ONECUT3: variants seen among roughly 807,000 people sequenced by gnomAD.
ONECUT3 encodes the protein one cut domain family member 3.
ONECUT3 carries 11 observed loss-of-function variants against 16.8 expected under a neutral mutation model. The ratio of observed to expected loss-of-function variants is 0.66; its 90% CI spans 0.41 to 1.09. ONECUT3 has a LOEUF of 1.09. ONECUT3 is among the 50% of genes least tolerant of loss of function. The pLI is 0.00. For missense variants in ONECUT3, 637 were observed against 629.9 expected, an observed-to-expected ratio of 1.01 and a Z score of -0.12; for synonymous variants, 344 against 310.7, an observed-to-expected ratio of 1.11 and a Z score of -1.13.
At chr19:1,761,045 CTTTTTTTT>C (rs547570248) in intron 1 of ONECUT3, among the ~76,000 whole-genome samples, 1 of 84,042 alleles carries the variant, frequency 1.2e-5, no homozygotes, top group Non-Finnish European at 2.2e-5. Flanking sequence ...CATTCCTGCT[CTTTTTTTT>C]TTTTTTTTTT....
rs550668635 is a variant in ONECUT3, at chr19:1,762,855, G to C, written c.1192+8001G>C. ...GGGTGCGCTCAGCTCCAGCGCAGTG[G>C]GAGGACAAGACACGTTCCTCCTCCC... On this transcript the variant is annotated intron_variant, in intron 1 of 1. Coordinates refer to ENST00000382349, the MANE Select transcript of ONECUT3 (RefSeq NM_001080488.2). The surrounding 1 kb of genome is among the most constrained non-coding windows in gnomAD (Gnocchi z 4.4). Among the ~76,000 whole-genome samples the C allele has an allele frequency of 6.6e-6, 1 of 152,248 alleles. No homozygotes were observed. Among genetic ancestry groups the C allele is most frequent in the African/African-American group, 2.4e-5 (1 of 41,550 alleles).
chr19:1,754,347 G>C lies in ONECUT3; in HGVS notation c.685G>C (p.Gly229Arg), dbSNP rs1440484619. 3 of 1,077,762 alleles carry C rather than the reference G, an allele frequency of 2.8e-6. No individual in the cohort carries two copies. Among genetic ancestry groups the C allele is most frequent in the Non-Finnish European group, 1.1e-6 (1 of 888,654 alleles). The allele number at this position is 1,077,762 out of a possible 1,614,324, so 66.8% of individuals were successfully genotyped here. ...PPPPPPLAAYGPPGHLAGDKL... is the reference protein window; with the variant it reads ...PPPPPPLAAYRPPGHLAGDKL... ...ACCACCCCCGCCGCTGGCCGCCTAC[G>C]GCCCGCCAGGCCACCTGGCTGGGGA... Residue 229 changes from glycine to arginine, a missense_variant, in exon 1 of 2, where the codon GGC (glycine) becomes CGC (arginine). By Grantham distance (125) the Gly-to-Arg change is moderately radical. This residue lies in a region of ONECUT3 where 419 missense variants were observed against 377.9 expected (regional missense o/e 1.11). Transcript: ENST00000382349. The surrounding 1 kb of genome is among the most constrained non-coding windows in gnomAD (Gnocchi z 7.4).
intron 1 of ONECUT3, among the ~76,000 whole-genome samples, chr19:1,757,975 G>A (rs1219030048): frequency 1.3e-5 from 2 of 152,210 alleles, no homozygotes; most frequent in Non-Finnish European, 2.9e-5. Context: ...GCCTCCCCAG[G>A]CCTCCTCCAA....
In ONECUT3 at chr19:1,769,097, G is replaced by T. The variant is rs368488789; in HGVS notation, c.1193-6056G>T. Among the ~76,000 whole-genome samples the T allele has an allele frequency of 3.2e-4, 48 of 150,258 alleles. No homozygotes were observed. In the East Asian group the frequency reaches 9.0e-3, roughly 28 times the overall value. On this transcript the variant is annotated intron_variant, in intron 1 of 1. Transcript: ENST00000382349. The stretch of plus-strand genomic sequence containing the variant: ...GGTGGAAGTGGAGGTGGAGGTGATG[G>T]AGGAGGAGATGCTGGAGGTGGAGGT...
chr19:1,762,650 C>CG lies in ONECUT3; in HGVS notation c.1192+7799dup, dbSNP rs2067952449. Reference sequence around the variant, plus strand: ...CCCCGGCGCCAGGAGACCCGGGACCCGGGACCACGCGCCCGCGGCCTTGGA... The same window carrying CG: ...CCCCGGCGCCAGGAGACCCGGGACCCGGGGACCACGCGCCCGCGGCCTTGGA... On this transcript the variant is annotated intron_variant, in intron 1 of 1. Coordinates refer to ENST00000382349, the MANE Select transcript of ONECUT3 (RefSeq NM_001080488.2). This position sits in a 1 kb window ranked among gnomAD's most constrained non-coding sequence, Gnocchi z 4.4. Among the ~76,000 whole-genome samples, 1 of 152,238 alleles carries CG rather than the reference C, an allele frequency of 6.6e-6. No homozygotes were observed. Among genetic ancestry groups the CG allele is most frequent in the Admixed American group, 6.5e-5 (1 of 15,294 alleles).
At chr19:1,769,961 C>T (rs557352722) in intron 1 of ONECUT3, among the ~76,000 whole-genome samples, 1 of 152,298 alleles carries the variant, frequency 6.6e-6, no homozygotes, top group African/African-American at 2.4e-5. Flanking sequence ...GGACGATATG[C>T]ATCCTACCTC....
At position 1,776,508 on chromosome 19, in the gene ONECUT3, T is replaced by C. The variant is rs2068110289; in HGVS notation, c.*1063T>C. ...GGGGCAGCGGGGTTGAACGTGGTGT[T>C]GGTTTCCACTCTCGCCAAAGAGAGA... On this transcript the variant is annotated 3_prime_UTR_variant, in exon 2 of 2. Coordinates refer to ENST00000382349, the MANE Select transcript of ONECUT3 (RefSeq NM_001080488.2). This position sits in a 1 kb window ranked among gnomAD's most constrained non-coding sequence, Gnocchi z 4.9. 2 of 152,312 alleles carry C rather than the reference T, an allele frequency of 1.3e-5. No homozygotes were observed. Among genetic ancestry groups the C allele is most frequent in the East Asian group, 3.9e-4 (2 of 5,168 alleles). The allele number at this position is 152,312 out of a possible 1,614,324, so 9.4% of individuals were successfully genotyped here. A position where few individuals can be genotyped will look rare whatever the true frequency, so the allele number is the denominator to read the frequency against.
At chr19:1,767,974 C>A (rs562505778) in intron 1 of ONECUT3, among the ~76,000 whole-genome samples, 2 of 152,036 alleles carry the variant, frequency 1.3e-5, no homozygotes, top group Admixed American at 1.3e-4. Context: ...GACTGATAAC[C>A]GTTGGGGAGA....
In ONECUT3 at chr19:1,754,617, G is replaced by T; in HGVS notation, c.955G>T (p.Glu319Ter). 1 of 1,439,550 alleles carries T rather than the reference G, an allele frequency of 6.9e-7. No homozygotes were observed. Among genetic ancestry groups the T allele is most frequent in the East Asian group, 3.1e-5 (1 of 32,546 alleles). 89.2% of individuals were successfully genotyped at this position (1,439,550 alleles called of 1,614,324 possible). A position where few individuals can be genotyped will look rare whatever the true frequency, so the allele number is the denominator to read the frequency against. The change falls in exon 1 of 2, where the codon GAG becomes TAG. Residue 319 changes from glutamate to a stop codon, truncating the protein, a stop_gained. Coordinates refer to ENST00000382349, the MANE Select transcript of ONECUT3 (RefSeq NM_001080488.2). LOFTEE classifies it high-confidence loss of function. This position sits in a 1 kb window ranked among gnomAD's most constrained non-coding sequence, Gnocchi z 7.4. ...CGGCCCCAGCGCGGGCGCAGCGGCC[G>T]AGGAGATCAACACCAAGGAGGTGGC... ...GGGPSAGAAA[E>*]EINTKEVAQR...
intron 1 of ONECUT3, among the ~76,000 whole-genome samples, chr19:1,763,830 C>G (rs186877207): frequency 1.3e-5 from 2 of 151,300 alleles, no homozygotes; most frequent in African/African-American, 4.9e-5. Context: ...TCATTTTTGC[C>G]GGCCGCCTAG....
intron 1 of ONECUT3, among the ~76,000 whole-genome samples, chr19:1,761,823 G>C (rs903411362): frequency 2.6e-5 from 4 of 152,210 alleles, no homozygotes; most frequent in African/African-American, 2.4e-5. Context: ...TAATGTGAGA[G>C]GGGCTGAGAA....
rs1568592896 is a variant in ONECUT3 at position 1,758,314 on chromosome 19, A to AG, written c.1192+3460_1192+3461insG. On this transcript the variant is annotated intron_variant, in intron 1 of 1. Coordinates refer to ENST00000382349, the MANE Select transcript of ONECUT3 (RefSeq NM_001080488.2). The surrounding 1 kb of genome is among the most constrained non-coding windows in gnomAD (Gnocchi z 5.9). Reference sequence around the variant, plus strand: ...GGCAGAGAGACCAAAAAAAAAAAAAAAAGAGAGAGAGAGAGAGAGAGACAG... The same window carrying AG: ...GGCAGAGAGACCAAAAAAAAAAAAAAGAAGAGAGAGAGAGAGAGAGAGACAG... Among the ~76,000 whole-genome samples, 91 of 124,440 alleles carry AG rather than the reference A, an allele frequency of 7.3e-4. 1 individual carries two copies. The highest frequency in any genetic ancestry group is 7.9e-4 in the Non-Finnish European group (47 of 59,242). The allele number at this position is 124,440 out of a possible 152,430, so 81.6% of individuals were successfully genotyped here. A position where few individuals can be genotyped will look rare whatever the true frequency, so the allele number is the denominator to read the frequency against.
rs1254454903 is a variant in ONECUT3 at position 1,766,920 on chromosome 19, A to C, written c.1193-8233A>C. On this transcript the variant is annotated intron_variant, in intron 1 of 1. Coordinates refer to ENST00000382349, the MANE Select transcript of ONECUT3 (RefSeq NM_001080488.2). This position sits in a 1 kb window ranked among gnomAD's most constrained non-coding sequence, Gnocchi z 4.0. ...CCGCTCTGTGCTGGGCCACAGAAAG[A>C]TCTCAGGCCCCACGAGGCTAAAAGG... 6.6e-6 allele frequency among the ~76,000 whole-genome samples: 1 copy of C among 151,912 alleles called. No homozygotes were observed. Among genetic ancestry groups the C allele is most frequent in the Admixed American group, 6.5e-5 (1 of 15,272 alleles).
In ONECUT3 at chr19:1,759,054, G is replaced by C. The variant is rs894011762; in HGVS notation, c.1192+4200G>C. 5.3e-5 allele frequency among the ~76,000 whole-genome samples: 8 copies of C among 152,070 alleles called. No individual in the cohort carries two copies. Among genetic ancestry groups the C allele is most frequent in the Non-Finnish European group, 7.4e-5 (5 of 67,988 alleles). ...CCTGAGGGATGGTGGAGCCCAGCATGGAGGAAACTGAGGCAGGGAGGACCC... is the reference window on the plus strand; with the variant it reads ...CCTGAGGGATGGTGGAGCCCAGCATCGAGGAAACTGAGGCAGGGAGGACCC... On this transcript the variant is annotated intron_variant, in intron 1 of 1. Transcript: ENST00000382349. This position sits in a 1 kb window ranked among gnomAD's most constrained non-coding sequence, Gnocchi z 4.1.
In ONECUT3 at chr19:1,755,341, TTGCGGCGGGCGCCTGCAG is replaced by T. The variant is rs1180699305; in HGVS notation, c.1192+488_1192+505del. Among the ~76,000 whole-genome samples the T allele has an allele frequency of 2.6e-5, 4 of 151,890 alleles. No individual in the cohort carries two copies. The highest frequency in any genetic ancestry group is 1.3e-4 in the Admixed American group (2 of 15,270). On this transcript the variant is annotated intron_variant, in intron 1 of 1. Transcript: ENST00000382349. This position sits in a 1 kb window ranked among gnomAD's most constrained non-coding sequence, Gnocchi z 7.5. ...CCCCGGGCCACAGAGCTCCGAGACG[TTGCGGCGGGCGCCTGCAG>T]CTCAGCAGCAGAGGCCGAGCCCGCG...
intron 1 of ONECUT3, among the ~76,000 whole-genome samples, chr19:1,774,181 C>A (rs887695388): frequency 6.6e-6 from 1 of 152,110 alleles, no homozygotes; most frequent in African/African-American, 2.4e-5. Context: ...TGGATAGGGG[C>A]AGGAGCAGGA....
intron 1 of ONECUT3, among the ~76,000 whole-genome samples, chr19:1,763,740 T>TG (rs540891538): frequency 0.031 from 4,649 of 148,226 alleles, 226 homozygotes; most frequent in African/African-American, 0.11. Flanking sequence ...TTGTTTTTTT[T>TG]TTTTTTTTAA....
Position 1,758,181 on chromosome 19 carries a change from A to T in ONECUT3, c.1192+3327A>T, listed in dbSNP as rs2067926811. Among the ~76,000 whole-genome samples, 1 of 152,052 alleles carries T rather than the reference A, an allele frequency of 6.6e-6. No homozygotes were observed. The highest frequency in any genetic ancestry group is 1.5e-5 in the Non-Finnish European group (1 of 67,984). On this transcript the variant is annotated intron_variant, in intron 1 of 1. Transcript: ENST00000382349. The surrounding 1 kb of genome is among the most constrained non-coding windows in gnomAD (Gnocchi z 5.9). ...TGGAGAGAGAGGGAGGGGTCGCGAG[A>T]CAAAACCAGAGAGTGGGGAGGGAGA...
At chr19:1,771,100 C>A (rs1413986914) in intron 1 of ONECUT3, among the ~76,000 whole-genome samples, 3 of 152,118 alleles carry the variant, frequency 2.0e-5, no homozygotes, top group Non-Finnish European at 4.4e-5. Context: ...AGCTGCCAAA[C>A]AAAAATTCTT....
Sources: allele counts gnomAD v4.1 joint callset (sites outside exome capture counted in the v4.1 genomes callset), GRCh38; gene constraint gnomAD v4.1.1; regional missense constraint gnomAD v4.1.1; non-coding constraint Gnocchi (gnomAD v3.1); transcripts MANE v1.5; gene names NCBI Gene and HGNC (gene_info 2026-07-23, HGNC 2026-07-21).